CDK14: variants seen among roughly 807,000 people sequenced by gnomAD.
The protein encoded by CDK14 is cyclin dependent kinase 14.
CDK14 carries 34 observed loss-of-function variants against 60.7 expected under a neutral mutation model. That is an observed-to-expected ratio of 0.56 (90% CI 0.43 to 0.75). The LOEUF is 0.75. Ranked by LOEUF, CDK14 falls within the 30% of genes least tolerant of loss-of-function variation. The pLI is 0.00. For synonymous variants in CDK14, 197 were observed against 203.7 expected (o/e 0.97, Z 0.28); for missense variants, 482 against 564.1 (o/e 0.85, Z 1.47).
intron 10 of CDK14, among the ~76,000 whole-genome samples, chr7:91,013,656 G>GTTT (rs56934476): frequency 0.024 from 2,927 of 123,330 alleles, 89 homozygotes; most frequent in African/African-American, 0.077. Flanking sequence ...CATTGCCTCT[G>GTTT]TTTTTTTTTT....
chr7:91,111,242 T>TTC (rs1357448914), intron 12 of CDK14, among the ~76,000 whole-genome samples: 1 of 152,204 alleles, frequency 6.6e-6, no homozygotes, highest in African/African-American at 2.4e-5. Context: ...TTACCTCATC[T>TTC]TCTCTTCATA....
At chr7:90,809,535 G>C (rs1789002457) in intron 5 of CDK14, among the ~76,000 whole-genome samples, 1 of 152,046 alleles carries the variant, frequency 6.6e-6, no homozygotes, top group Non-Finnish European at 1.5e-5. Context: ...ATCTAAAATT[G>C]ACACCCTAAC....
chr7:91,165,077 C>T (rs1386833250), intron 14 of CDK14, among the ~76,000 whole-genome samples: 11 of 152,140 alleles, frequency 7.2e-5, no homozygotes, highest in Non-Finnish European at 1.5e-4. Flanking sequence ...CGCTCTTCAG[C>T]GTTCCCTATG....
At chr7:90,849,568 G>A (rs923773852) in intron 5 of CDK14, among the ~76,000 whole-genome samples, 9 of 151,974 alleles carry the variant, frequency 5.9e-5, no homozygotes, top group South Asian at 2.1e-4. Context: ...AGAGCTCTGC[G>A]CTCTTGGGGA....
chr7:91,195,940 CAT>C (rs1463424667), intron 14 of CDK14, among the ~76,000 whole-genome samples: 1 of 152,230 alleles, frequency 6.6e-6, no homozygotes, highest in Admixed American at 6.5e-5. Flanking sequence ...AACAGGCAAA[CAT>C]GTGTCTGTCC....
chr7:90,699,885 T>C lies in CDK14; in HGVS notation c.124-26682T>C, dbSNP rs1033217318. ...GAAACAGTGGTTATTGAGGGAATCA[T>C]GTGCTTCAGGGGAGGACTGATAAAA... On this transcript the variant is annotated intron_variant, in intron 2 of 14. Transcript: ENST00000380050. Among the ~76,000 whole-genome samples, 63 of 152,312 alleles carry C rather than the reference T, an allele frequency of 4.1e-4. 2 individuals carry two copies. The highest frequency in any genetic ancestry group is 1.3e-3 in the African/African-American group (53 of 41,572).
intron 4 of CDK14, 148 bp downstream of exon 4, chr7:90,747,923 T>A: frequency 3.1e-6 from 1 of 322,610 alleles, no homozygotes; most frequent in Non-Finnish European, 5.4e-6. Context: ...TTTTGGCAAG[T>A]GTGTAAAACT....
chr7:91,062,050 A>T (rs1797813100), intron 11 of CDK14, among the ~76,000 whole-genome samples: 3 of 152,212 alleles, frequency 2.0e-5, no homozygotes. Context: ...GGCTCCACCC[A>T]GTTCGAGCTT....
At chr7:90,723,788 A>G (rs1271412324) in intron 2 of CDK14, among the ~76,000 whole-genome samples, 1 of 152,144 alleles carries the variant, frequency 6.6e-6, no homozygotes, top group Non-Finnish European at 1.5e-5. Context: ...GATTAGTGTG[A>G]CATTGTCATG....
chr7:90,761,451 G>A (rs1462425394), intron 4 of CDK14, among the ~76,000 whole-genome samples: 1 of 152,026 alleles, frequency 6.6e-6, no homozygotes, highest in Non-Finnish European at 1.5e-5. Flanking sequence ...ACTTGGGGAA[G>A]GATATAATTG....
At chr7:90,641,417 A>G (rs1450123642) in intron 2 of CDK14, among the ~76,000 whole-genome samples, 1 of 152,228 alleles carries the variant, frequency 6.6e-6, no homozygotes, top group African/African-American at 2.4e-5. Context: ...CAGCATATCT[A>G]TATAATGAAA....
intron 14 of CDK14, among the ~76,000 whole-genome samples, chr7:91,197,874 C>G (rs957368406): frequency 6.6e-6 from 1 of 152,170 alleles, no homozygotes; most frequent in Non-Finnish European, 1.5e-5. Context: ...GCATGGAGTG[C>G]GTGTTGGAGG....
intron 8 of CDK14, among the ~76,000 whole-genome samples, chr7:90,952,156 A>G (rs1469481652): frequency 6.6e-6 from 1 of 152,108 alleles, no homozygotes; most frequent in Admixed American, 6.6e-5. Context: ...TGGTCAGCAG[A>G]GTCTAATGCA....
chr7:90,800,349 A>G (rs1010130060), intron 5 of CDK14, among the ~76,000 whole-genome samples: 2 of 152,180 alleles, frequency 1.3e-5, no homozygotes, highest in Non-Finnish European at 2.9e-5. Flanking sequence ...GAATAATTTT[A>G]TGATTTAATT....
intron 8 of CDK14, among the ~76,000 whole-genome samples, chr7:90,951,365 C>T (rs1794258107): frequency 6.6e-6 from 1 of 152,000 alleles, no homozygotes; most frequent in Admixed American, 6.6e-5. Flanking sequence ...AAGCTTTGGC[C>T]CATTTTCTGG....
intron 14 of CDK14, among the ~76,000 whole-genome samples, chr7:91,162,034 C>T (rs1357315731): frequency 1.3e-5 from 2 of 152,158 alleles, no homozygotes; most frequent in African/African-American, 4.8e-5. Flanking sequence ...GCAAGAGTAA[C>T]TTTTCTCTTG....
chr7:90,956,089 C>A (rs955564075), intron 9 of CDK14, among the ~76,000 whole-genome samples: 1 of 152,066 alleles, frequency 6.6e-6, no homozygotes, highest in African/African-American at 2.4e-5. Flanking sequence ...CCCTAAGAGT[C>A]TTAATTTGTG....
rs142664080 is a variant in CDK14 at position 90,970,516 on chromosome 7, C to A, written c.948-13632C>A. Among the ~76,000 whole-genome samples the A allele has an allele frequency of 7.8e-3, 1,193 of 152,318 alleles. 20 individuals carry two copies. Among genetic ancestry groups the A allele is most frequent in the African/African-American group, 0.028 (1,152 of 41,582 alleles). On this transcript the variant is annotated intron_variant, in intron 9 of 14. Coordinates refer to ENST00000380050, the MANE Select transcript of CDK14 (RefSeq NM_001287135.2). The stretch of plus-strand genomic sequence containing the variant: ...ACCAAATAAAGACAGGTTTTTCTGA[C>A]TGCAGAGGCAGCATAGCATAACAAA...
At chr7:90,863,616 G>T (rs1039579123) in intron 6 of CDK14, among the ~76,000 whole-genome samples, 1 of 150,416 alleles carries the variant, frequency 6.6e-6, no homozygotes, top group Admixed American at 6.6e-5. Flanking sequence ...AATAAGAATG[G>T]TTTTTTATTT....
Sources: gnomAD v4.1 joint callset for allele counts (sites outside exome capture counted in the v4.1 genomes callset) on GRCh38, gnomAD v4.1.1 for gene constraint, MANE v1.5 for transcripts, NCBI Gene and HGNC (gene_info 2026-07-23, HGNC 2026-07-21) for gene names.